Variants in ULK4 observed in about 807,000 individuals in gnomAD.
ULK4 encodes the protein unc-51 like kinase 4, also known as inactive serine/threonine-protein kinase ULK4.
A neutral mutation model predicts 160.6 loss-of-function variants in ULK4; 133 were observed. That is an observed-to-expected ratio of 0.83 (90% CI 0.72 to 0.96). The LOEUF (loss-of-function observed/expected upper bound fraction) is 0.96. Among genes scored for constraint, ULK4 ranks in the 40% least tolerant of loss-of-function variants. The probability of loss-of-function intolerance (pLI) is 0.00; values close to 1 mark genes in which losing one functional copy is unlikely to be tolerated. For missense variants in ULK4, 1,580 were observed against 1,499.5 expected (o/e 1.05, Z -0.89); for synonymous variants, 534 against 539.8 (o/e 0.99, Z 0.15).
intron 32 of ULK4, among the ~76,000 whole-genome samples, chr3:41,505,427 TATAA>T (rs1383955149): frequency 1.3e-5 from 2 of 152,194 alleles, no homozygotes. Flanking sequence ...TTCATTCTAT[TATAA>T]ATACTGTTCT....
Position 41,873,923 on chromosome 3 carries a change from G to A in ULK4, c.1656+9951C>T, listed in dbSNP as rs535676114. 1.1e-3 allele frequency among the ~76,000 whole-genome samples: 168 copies of A among 150,802 alleles called. No individual in the cohort carries two copies. In the South Asian group the frequency reaches 0.014, roughly 12 times the overall value. ...TGGGAGGATCACACATAATTTGCAAGATTATCTCAACAGCTAAATTGCCAT... is the reference window on the plus strand; with the variant it reads ...TGGGAGGATCACACATAATTTGCAAAATTATCTCAACAGCTAAATTGCCAT... On this transcript the variant is annotated intron_variant, in intron 17 of 36. Transcript: ENST00000301831.
At chr3:41,956,698 G>A (rs777137218) in intron 1 of ULK4, among the ~76,000 whole-genome samples, 1 of 152,138 alleles carries the variant, frequency 6.6e-6, no homozygotes, top group Non-Finnish European at 1.5e-5. Context: ...TAGACTGCAG[G>A]AGTCAATCCA....
intron 35 of ULK4, among the ~76,000 whole-genome samples, chr3:41,353,595 G>A (rs1483854308): frequency 6.6e-6 from 1 of 151,902 alleles, no homozygotes; most frequent in Non-Finnish European, 1.5e-5. Flanking sequence ...CTGAGCCCAG[G>A]AGTTCAAGGT....
At chr3:41,825,368 T>A (rs559397770) in intron 18 of ULK4, among the ~76,000 whole-genome samples, 5 of 152,084 alleles carry the variant, frequency 3.3e-5, no homozygotes, top group Non-Finnish European at 7.4e-5. Flanking sequence ...TACTCTAAGC[T>A]AAATGAGGAA....
chr3:41,774,038 G>C (rs2125924128), intron 21 of ULK4, among the ~76,000 whole-genome samples: 2 of 152,240 alleles, frequency 1.3e-5, no homozygotes, highest in Non-Finnish European at 2.9e-5. Context: ...GCTGAAACTG[G>C]ATCCCTTCCT....
Position 41,431,547 on chromosome 3 carries a change from C to CATTTTTT in ULK4, c.3492+23949_3492+23950insAAAAAAT, listed in dbSNP as rs563543377. 8.3e-5 allele frequency among the ~76,000 whole-genome samples: 8 copies of CATTTTTT among 95,854 alleles called. 1 individual carries two copies. The highest frequency in any genetic ancestry group is 3.8e-4 in the South Asian group (1 of 2,660). 62.9% of individuals were successfully genotyped at this position (95,854 alleles called of 152,430 possible). A position where few individuals can be genotyped will look rare whatever the true frequency, so the allele number is the denominator to read the frequency against. On this transcript the variant is annotated intron_variant, in intron 34 of 36. Transcript: ENST00000301831. ...CCTGTGAGGTGTTGTAATTCCCTCC[C>CATTTTTT]TTTTTTTTTTTTTTTGATGTGGAAA...
At chr3:41,624,307 T>G (rs1022217179) in intron 30 of ULK4, among the ~76,000 whole-genome samples, 3 of 152,212 alleles carry the variant, frequency 2.0e-5, no homozygotes, top group African/African-American at 7.2e-5. Flanking sequence ...AGAGTTGCCC[T>G]GGCAACCGAG....
intron 30 of ULK4, among the ~76,000 whole-genome samples, chr3:41,642,033 GTC>G (rs1311834586): frequency 6.6e-6 from 1 of 151,866 alleles, no homozygotes; most frequent in Non-Finnish European, 1.5e-5. Flanking sequence ...ATGCAACCAC[GTC>G]TAGCTAATTT....
intron 22 of ULK4, among the ~76,000 whole-genome samples, chr3:41,753,066 G>C (rs1274261691): frequency 2.0e-5 from 3 of 151,950 alleles, no homozygotes; most frequent in African/African-American, 7.3e-5. Flanking sequence ...ATTTTAAAAA[G>C]TATCTGGGCA....
At chr3:41,424,425 T>C (rs11129905) in intron 34 of ULK4, among the ~76,000 whole-genome samples, 14,029 of 152,076 alleles carry the variant, frequency 0.092, 772 homozygotes, top group Admixed American at 0.14. Context: ...GGACCAAAAG[T>C]GCTTCCTTAA....
chr3:41,842,400 T>C (rs569143758), intron 17 of ULK4, among the ~76,000 whole-genome samples: 2 of 152,300 alleles, frequency 1.3e-5, no homozygotes, highest in African/African-American at 2.4e-5. Flanking sequence ...GAAATTGATA[T>C]AGTTTGGATA....
chr3:41,347,989 C>A (rs1000302578), intron 35 of ULK4, among the ~76,000 whole-genome samples: 1 of 151,884 alleles, frequency 6.6e-6, no homozygotes, highest in African/African-American at 2.4e-5. Flanking sequence ...AGGTGGATCA[C>A]CTGAGGTCAG....
intron 19 of ULK4, among the ~76,000 whole-genome samples, chr3:41,808,881 G>A (rs1306603324): frequency 6.6e-6 from 1 of 152,132 alleles, no homozygotes; most frequent in African/African-American, 2.4e-5. Context: ...AGAACTTGGT[G>A]CTGCCAGCCG....
intron 32 of ULK4, among the ~76,000 whole-genome samples, chr3:41,467,020 A>G (rs1194509347): frequency 6.6e-6 from 1 of 152,180 alleles, no homozygotes; most frequent in East Asian, 1.9e-4. Flanking sequence ...CATACATATA[A>G]ATAATTATAA....
chr3:41,764,867 C>T (rs1008707433), intron 21 of ULK4, among the ~76,000 whole-genome samples: 7 of 152,188 alleles, frequency 4.6e-5, no homozygotes, highest in African/African-American at 1.7e-4. Flanking sequence ...TATCATTAAG[C>T]ATAAATCTGT....
At chr3:41,335,060 AAAAC>A (rs1353696748) in intron 35 of ULK4, among the ~76,000 whole-genome samples, 6 of 152,222 alleles carry the variant, frequency 3.9e-5, no homozygotes, top group African/African-American at 9.6e-5. Flanking sequence ...ACAAATAAGA[AAAAC>A]AAAACTTTGA....
chr3:41,265,055 C>T (rs533901534), intron 35 of ULK4, among the ~76,000 whole-genome samples: 106 of 152,282 alleles, frequency 7.0e-4, no homozygotes, highest in African/African-American at 2.4e-3. Flanking sequence ...ATTTATAAGG[C>T]AGGACAGAAG....
At chr3:41,958,849 C>T (rs1166945410) in intron 1 of ULK4, among the ~76,000 whole-genome samples, 4 of 152,118 alleles carry the variant, frequency 2.6e-5, no homozygotes, top group Non-Finnish European at 4.4e-5. Flanking sequence ...TGGTTTCTGT[C>T]ACAGCTACTC....
chr3:41,592,024 C>G (rs907641973), intron 31 of ULK4, among the ~76,000 whole-genome samples: 1 of 152,160 alleles, frequency 6.6e-6, no homozygotes. Context: ...AACTTTTGTT[C>G]CAGAACTACT....
Sources: allele counts gnomAD v4.1 joint callset (sites outside exome capture counted in the v4.1 genomes callset), GRCh38; gene constraint gnomAD v4.1.1; transcripts MANE v1.5; gene names NCBI Gene and HGNC (gene_info 2026-07-23, HGNC 2026-07-21).